The following ADAMTS7 variants were observed in gnomAD, a reference collection of about 807,000 sequenced individuals.
ADAMTS7 encodes A disintegrin and metalloproteinase with thrombospondin motifs 7.
Under a neutral mutation model 172.6 loss-of-function variants are expected in ADAMTS7, and 89 were observed. That is an observed-to-expected ratio of 0.52 (90% CI 0.43 to 0.61). ADAMTS7 has a LOEUF of 0.61. ADAMTS7 is among the 20% of genes least tolerant of loss of function. The pLI is 0.00. For missense variants in ADAMTS7, 1,973 were observed against 2,355.6 expected, an observed-to-expected ratio of 0.84 and a Z score of 3.36; for synonymous variants, 885 against 978.4, an observed-to-expected ratio of 0.90 and a Z score of 1.78.
chr15:78,763,654 G>C, intron 22 of ADAMTS7, 45 bp downstream of exon 22: 2 of 1,501,344 alleles, frequency 1.3e-6, no homozygotes, highest in Non-Finnish European at 8.8e-7. Context: ...CTGACCAGGC[G>C]CCACCAAGCA....
At chr15:78,787,208 C>G (rs1490698539) in intron 8 of ADAMTS7, among the ~76,000 whole-genome samples, 3 of 151,882 alleles carry the variant, frequency 2.0e-5, no homozygotes, top group Admixed American at 6.6e-5. Context: ...ACCCCTGACC[C>G]CCGAGTTCTT....
Position 78,800,303 on chromosome 15 carries a change from G to A in ADAMTS7, c.345C>T (p.Gly115=). 1 of 1,586,194 alleles carries A rather than the reference G, an allele frequency of 6.3e-7. No individual in the cohort carries two copies. The change falls in exon 2 of 24, where the codon GGC becomes GGT. Residue 115 remains glycine (G), a synonymous_variant. Transcript: ENST00000388820. ...GFVSETRRRG[G]LGRAHIRAHT... ...GGGCCCGGATGTGCGCGCGGCCCAG[G>A]CCGCCGCGCCGCCGCGTCTCGCTCA...
chr15:78,760,653 A>C (rs1452874414), intron 23 of ADAMTS7, among the ~76,000 whole-genome samples: 1 of 152,138 alleles, frequency 6.6e-6, no homozygotes, highest in African/African-American at 2.4e-5. Context: ...TGCAGTGAGC[A>C]CACACACACG....
At chr15:78,791,315 C>T (rs1258816934) in intron 4 of ADAMTS7, 92 bp from the exon 5 acceptor site, 6 of 1,001,736 alleles carry the variant, frequency 6.0e-6, no homozygotes, top group South Asian at 3.1e-5. Flanking sequence ...CGCAGGGCAA[C>T]GCACACCTGT....
At chr15:78,777,924 T>C (rs550886688) in intron 8 of ADAMTS7, among the ~76,000 whole-genome samples, 53 of 152,110 alleles carry the variant, frequency 3.5e-4, no homozygotes, top group South Asian at 3.3e-3. Context: ...CCCTGCAGCC[T>C]CCGTGTCTGA....
rs1277042164 is a variant in ADAMTS7 at position 78,769,682 on chromosome 15, C to T, written c.2519-1423G>A. 2.0e-5 allele frequency among the ~76,000 whole-genome samples: 3 copies of T among 152,242 alleles called. No homozygotes were observed. In the East Asian group the frequency reaches 5.8e-4, roughly 29 times the overall value. ...CAGCTCCAGGTCCCGCCAGCTTAGA[C>T]TGTGCATCTGGGACTTCCTGCCTGA... On this transcript the variant is annotated intron_variant, in intron 16 of 23. Transcript: ENST00000388820.
intron 1 of ADAMTS7, among the ~76,000 whole-genome samples, chr15:78,801,456 T>A (rs557452848): frequency 1.3e-5 from 2 of 152,316 alleles, no homozygotes; most frequent in East Asian, 3.9e-4. Context: ...CATTCACTTT[T>A]GGGTTGTTGT....
rs1222529261 is a variant in ADAMTS7, at chr15:78,768,216, C to T, written c.2562G>A (p.Gly854=). 6.8e-6 allele frequency: 11 copies of T among 1,610,464 alleles called. No individual in the cohort carries two copies. Among genetic ancestry groups the T allele is most frequent in the Non-Finnish European group, 9.3e-6 (11 of 1,179,622 alleles). ...QNVYCLERQA[G]PVDEEHCDPL... ...GGTCACAGTGCTCCTCGTCCACGGG[C>T]CCTGCCTGCCGCTCCAAGCAGTACA... is the stretch of plus-strand genomic sequence containing the variant. Residue 854 remains glycine (G), a synonymous_variant, in exon 17 of 24, where the codon GGG becomes GGA. Transcript: ENST00000388820.
intron 16 of ADAMTS7, among the ~76,000 whole-genome samples, chr15:78,769,049 G>GC (rs1459759692): frequency 6.6e-6 from 1 of 152,106 alleles, no homozygotes; most frequent in African/African-American, 2.4e-5. Context: ...GTGTCCGGGG[G>GC]CCACCGACAC....
chr15:78,785,303 C>A (rs1190929329), intron 8 of ADAMTS7, among the ~76,000 whole-genome samples: 1 of 152,138 alleles, frequency 6.6e-6, no homozygotes, highest in Non-Finnish European at 1.5e-5. Context: ...GTAATCCCAG[C>A]ACTTTGGGAG....
At position 78,771,907 on chromosome 15, in the gene ADAMTS7, TC is replaced by T; in HGVS notation, c.2132-79del. 6.5e-7 allele frequency: 1 copy of T among 1,543,768 alleles called. No homozygotes were observed. Reference sequence around the variant, plus strand: ...TCCCCACCCGCTCCCCTCATGTCTCTCCCCACTTGCCTCCGCCTGCTGATGC... The same window carrying T: ...TCCCCACCCGCTCCCCTCATGTCTCTCCCACTTGCCTCCGCCTGCTGATGC... On this transcript the variant is annotated intron_variant, in intron 14 of 23. Coordinates refer to ENST00000388820, the MANE Select transcript of ADAMTS7 (RefSeq NM_014272.5). This position sits in a 1 kb window ranked among gnomAD's most constrained non-coding sequence, Gnocchi z 4.9.
At chr15:78,789,958 G>T in intron 6 of ADAMTS7, 120 bp from the exon 7 acceptor site, 1 of 1,384,106 alleles carries the variant, frequency 7.2e-7, no homozygotes, top group Non-Finnish European at 9.7e-7. Flanking sequence ...CTCTCCCACC[G>T]TTCTGTGACA....
chr15:78,777,927 G>A lies in ADAMTS7; in HGVS notation c.1323-339C>T, dbSNP rs147752020. ...CCTGCTCTCCGACCCTGCAGCCTCC[G>A]TGTCTGAGCCCAGACCCTGGAGCCA... is the stretch of plus-strand genomic sequence containing the variant. On this transcript the variant is annotated intron_variant, in intron 8 of 23. Transcript: ENST00000388820. Among the ~76,000 whole-genome samples, 452 of 152,270 alleles carry A rather than the reference G, an allele frequency of 3.0e-3. 2 individuals are homozygous for A. Among genetic ancestry groups the A allele is most frequent in the African/African-American group, 0.01 (433 of 41,546 alleles).
In ADAMTS7 at chr15:78,800,227, C is replaced by A. The variant is rs774933007; in HGVS notation, c.421G>T (p.Gly141Cys). Residue 141 changes from glycine (G) to cysteine (C), a missense_variant, in exon 2 of 24, where the codon GGT (glycine) becomes TGT (cysteine). Coordinates refer to ENST00000388820, the MANE Select transcript of ADAMTS7 (RefSeq NM_014272.5). ...LGEVQDPELE[G>C]GLAAISACDG... ...CAGGCGCTGATGGCCGCCAGGCCAC[C>A]CTCGAGCTCAGGGTCCTGCACCTCG... The A allele has an allele frequency of 2.5e-6, 4 of 1,594,930 alleles. No homozygotes were observed. The highest frequency in any genetic ancestry group is 2.5e-6 in the Non-Finnish European group (3 of 1,178,794).
Position 78,774,267 on chromosome 15 carries a change from T to A in ADAMTS7, c.1910A>T (p.Asn637Ile). ...NPCELHCRPA[N>I]EYFAEKLRDA... ...CCGCAGCTTCTCGGCAAAGTACTCA[T>A]TCGCGGGCCGGCAGTGCAGCTCGCA... The change falls in exon 13 of 24, where the codon AAT becomes ATT. Residue 637 changes from asparagine to isoleucine, a missense_variant. Asn to Ile is a moderately radical substitution (Grantham distance 149). Transcript: ENST00000388820. The A allele has an allele frequency of 6.3e-7, 1 of 1,578,246 alleles. No homozygotes were observed. Among genetic ancestry groups the A allele is most frequent in the Non-Finnish European group, 8.5e-7 (1 of 1,171,526 alleles).
chr15:78,809,716 C>A (rs1027076908), intron 1 of ADAMTS7, among the ~76,000 whole-genome samples: 1 of 152,216 alleles, frequency 6.6e-6, no homozygotes, highest in Non-Finnish European at 1.5e-5. Context: ...TCTCCCATTC[C>A]CATCGCCCGG....
intron 1 of ADAMTS7, among the ~76,000 whole-genome samples, chr15:78,809,725 G>A (rs1034929888): frequency 6.6e-6 from 1 of 152,188 alleles, no homozygotes; most frequent in Non-Finnish European, 1.5e-5. Flanking sequence ...CCCATCGCCC[G>A]GTTCATCCTC....
rs774152267 is a variant in ADAMTS7 at position 78,766,447 on chromosome 15, T to C, written c.3464A>G (p.Asn1155Ser). ...SEQTPGNPLINFLPEEDTPIG... is the reference protein window; with the variant it reads ...SEQTPGNPLISFLPEEDTPIG... ...GGGGGTGTCTTCCTCAGGCAGGAAA[T>C]TGATCAAAGGGTTCCCAGGGGTCTG... The change falls in exon 19 of 24, where the codon AAT (asparagine) becomes AGT (serine). Residue 1155 changes from asparagine (N) to serine (S), a missense_variant. Physicochemically the swap from Asn to Ser is conservative, Grantham distance 46. This residue lies in a region of ADAMTS7 where 771 missense variants were observed against 952.6 expected (regional missense o/e 0.81). Coordinates refer to ENST00000388820, the MANE Select transcript of ADAMTS7 (RefSeq NM_014272.5). 34 of 1,562,498 alleles carry C rather than the reference T, an allele frequency of 2.2e-5. No homozygotes were observed. Among genetic ancestry groups the C allele is most frequent in the African/African-American group, 4.5e-5 (3 of 66,874 alleles).
intron 10 of ADAMTS7, 53 bp from the exon 11 acceptor site, chr15:78,776,386 C>T (rs1272262009): frequency 6.3e-7 from 1 of 1,584,494 alleles, no homozygotes; most frequent in Non-Finnish European, 8.6e-7. Flanking sequence ...TATCAGTCAT[C>T]CTCACCCTAG....
Sources: allele counts gnomAD v4.1 joint callset (sites outside exome capture counted in the v4.1 genomes callset), GRCh38; gene constraint gnomAD v4.1.1; regional missense constraint gnomAD v4.1.1; non-coding constraint Gnocchi (gnomAD v3.1); transcripts MANE v1.5; gene names NCBI Gene and HGNC (gene_info 2026-07-23, HGNC 2026-07-21).